MAGI2: variants seen among roughly 807,000 people sequenced by gnomAD.
MAGI2 encodes the protein membrane associated guanylate kinase, WW and PDZ domain containing 2.
In MAGI2, 35 loss-of-function variants were observed where a neutral mutation model predicts 133.3. The ratio of observed to expected loss-of-function variants is 0.26; its 90% confidence interval spans 0.20 to 0.35. The LOEUF (loss-of-function observed/expected upper bound fraction) is 0.35, where lower values mean the gene tolerates loss of function less well. Ranked by LOEUF, MAGI2 falls within the 10% of genes least tolerant of loss-of-function variation. The pLI, the probability that MAGI2 is intolerant of heterozygous loss-of-function variation, is 1.00. For synonymous variants in MAGI2, 729 were observed against 710.6 expected (o/e 1.03, Z -0.41); for missense variants, 1,636 against 1,863.4 (o/e 0.88, Z 2.25).
At chr7:78,507,910 G>C (rs1389819870) in intron 4 of MAGI2, among the ~76,000 whole-genome samples, 1 of 152,178 alleles carries the variant, frequency 6.6e-6, no homozygotes, top group African/African-American at 2.4e-5. Flanking sequence ...CACAAACTGA[G>C]TGGCTTCAAT....
rs559898168 is a variant in MAGI2, at chr7:78,027,528, T to C, written c.3707-7552A>G. 3.8e-3 allele frequency among the ~76,000 whole-genome samples: 574 copies of C among 150,890 alleles called. 1 individual carries two copies. Among genetic ancestry groups the C allele is most frequent in the Non-Finnish European group, 5.2e-3 (350 of 67,936 alleles). On this transcript the variant is annotated intron_variant, in intron 21 of 21. Transcript: ENST00000354212. ...CTGTAATCCCAGCTACTCGGGATGC[T>C]GAGGCATGAGAATCGCTTGAACCTG...
chr7:79,102,711 A>T (rs1818090509), intron 1 of MAGI2, among the ~76,000 whole-genome samples: 1 of 152,198 alleles, frequency 6.6e-6, no homozygotes, highest in South Asian at 2.1e-4. Flanking sequence ...ATATTCAGTC[A>T]ATTTAAAGAC....
At chr7:79,097,960 A>C (rs1049935598) in intron 1 of MAGI2, among the ~76,000 whole-genome samples, 1 of 152,142 alleles carries the variant, frequency 6.6e-6, no homozygotes, top group African/African-American at 2.4e-5. Context: ...CATCTCTACC[A>C]AAAATACAAA....
intron 9 of MAGI2, among the ~76,000 whole-genome samples, chr7:78,343,262 A>G (rs1411760043): frequency 6.6e-6 from 1 of 152,216 alleles, no homozygotes; most frequent in Non-Finnish European, 1.5e-5. Context: ...GTAATTATAT[A>G]TGAAAAATAA....
intron 6 of MAGI2, among the ~76,000 whole-genome samples, chr7:78,429,846 T>C (rs1032154967): frequency 1.4e-4 from 21 of 152,156 alleles, no homozygotes; most frequent in African/African-American, 4.1e-4. Flanking sequence ...CCCAAAGATA[T>C]AGGTATTATA....
intron 2 of MAGI2, among the ~76,000 whole-genome samples, chr7:78,683,464 G>A (rs954484659): frequency 1.2e-4 from 19 of 152,106 alleles, no homozygotes; most frequent in Admixed American, 1.2e-3. Context: ...ACTGATTAGG[G>A]GGCCACTGAT....
At chr7:78,988,714 G>A (rs1419006882) in intron 2 of MAGI2, among the ~76,000 whole-genome samples, 1 of 152,050 alleles carries the variant, frequency 6.6e-6, no homozygotes, top group Non-Finnish European at 1.5e-5. Context: ...AACCTCTATA[G>A]CCCCATAATT....
intron 4 of MAGI2, among the ~76,000 whole-genome samples, chr7:78,515,673 G>A (rs1411083094): frequency 2.6e-5 from 4 of 152,182 alleles, no homozygotes; most frequent in African/African-American, 4.8e-5. Context: ...GGCCGAGGCG[G>A]GTGGATCACC....
At chr7:78,943,900 T>C (rs1403662363) in intron 2 of MAGI2, among the ~76,000 whole-genome samples, 2 of 152,224 alleles carry the variant, frequency 1.3e-5, no homozygotes, top group Non-Finnish European at 2.9e-5. Flanking sequence ...GCACTATAAA[T>C]GTTTTTTCCT....
intron 20 of MAGI2, among the ~76,000 whole-genome samples, chr7:78,087,128 C>G (rs759661209): frequency 1.3e-5 from 2 of 152,120 alleles, no homozygotes; most frequent in Non-Finnish European, 2.9e-5. Flanking sequence ...GGGTTGGGTG[C>G]CTTTTCTGTG....
chr7:78,628,341 T>C (rs1375336059), intron 2 of MAGI2, among the ~76,000 whole-genome samples: 2 of 152,206 alleles, frequency 1.3e-5, no homozygotes, highest in African/African-American at 2.4e-5. Context: ...AGGCTTCATA[T>C]ATATAGACTC....
chr7:79,190,238 C>T (rs1339891217), intron 1 of MAGI2, among the ~76,000 whole-genome samples: 1 of 151,768 alleles, frequency 6.6e-6, no homozygotes, highest in East Asian at 1.9e-4. Context: ...ATTTTTTATT[C>T]CCACCACAGT....
At chr7:78,369,050 G>C in intron 7 of MAGI2, 106 bp downstream of exon 7, 1 of 729,450 alleles carries the variant, frequency 1.4e-6, no homozygotes, top group Non-Finnish European at 2.2e-6. Flanking sequence ...AAAGTAAGAT[G>C]AAAGGGAAAT....
chr7:78,108,502 T>C lies in MAGI2; in HGVS notation c.3567+17192A>G, dbSNP rs558217575. Among the ~76,000 whole-genome samples, 14 of 152,356 alleles carry C rather than the reference T, an allele frequency of 9.2e-5. No homozygotes were observed. In the South Asian group the frequency reaches 2.9e-3, roughly 32 times the overall value. ...TCTGTTAAGTCCATTTGGTCTATAGTACAGATTAAGTTCAGTGTTTCTTTT... is the reference window on the plus strand; with the variant it reads ...TCTGTTAAGTCCATTTGGTCTATAGCACAGATTAAGTTCAGTGTTTCTTTT... On this transcript the variant is annotated intron_variant, in intron 20 of 21. Coordinates refer to ENST00000354212, the MANE Select transcript of MAGI2 (RefSeq NM_012301.4).
chr7:79,406,143 G>C (rs115694209), intron 1 of MAGI2, among the ~76,000 whole-genome samples: 1 of 151,880 alleles, frequency 6.6e-6, no homozygotes, highest in Admixed American at 6.6e-5. Context: ...GAAGTTTTCC[G>C]GGTTGATAGG....
chr7:78,357,559 A>C (rs952723925), intron 7 of MAGI2, among the ~76,000 whole-genome samples: 60 of 152,348 alleles, frequency 3.9e-4, no homozygotes, highest in African/African-American at 1.3e-3. Context: ...AAGTAAGAAT[A>C]ATAGAATGGA....
intron 2 of MAGI2, among the ~76,000 whole-genome samples, chr7:78,667,755 G>A (rs1355418573): frequency 1.3e-5 from 2 of 151,982 alleles, no homozygotes; most frequent in Non-Finnish European, 2.9e-5. Flanking sequence ...ATTCCATGGT[G>A]TATATGTGCC....
intron 6 of MAGI2, among the ~76,000 whole-genome samples, chr7:78,454,466 G>A (rs1789085895): frequency 6.6e-6 from 1 of 152,150 alleles, no homozygotes. Context: ...TTCATTGCTG[G>A]TAGGAATGCA....
At chr7:78,140,621 G>A (rs1242800014) in intron 16 of MAGI2, among the ~76,000 whole-genome samples, 3 of 152,236 alleles carry the variant, frequency 2.0e-5, no homozygotes, top group African/African-American at 7.2e-5. Context: ...TTTAGAATCT[G>A]TGACCTGATG....
Sources: allele counts gnomAD v4.1 joint callset (sites outside exome capture counted in the v4.1 genomes callset), GRCh38; gene constraint gnomAD v4.1.1; transcripts MANE v1.5; gene names NCBI Gene and HGNC (gene_info 2026-07-23, HGNC 2026-07-21).